IGFBP7: variants seen among roughly 807,000 people sequenced by gnomAD.
IGFBP7 encodes the protein insulin-like growth factor-binding protein 7.
A neutral mutation model predicts 29.4 loss-of-function variants in IGFBP7; 31 were observed. The observed-to-expected ratio is 1.05, with a 90% confidence interval of 0.79 to 1.42. The LOEUF (loss-of-function observed/expected upper bound fraction) is 1.42, where lower values mean the gene tolerates loss of function less well. IGFBP7 is among the 40% of genes most tolerant of loss of function. IGFBP7 has a pLI of 0.00. For missense variants in IGFBP7, 393 were observed against 395.5 expected (o/e 0.99, Z 0.05); for synonymous variants, 172 against 174.9 (o/e 0.98, Z 0.13).
chr4:57,055,948 G>A (rs11573089), intron 1 of IGFBP7, among the ~76,000 whole-genome samples: 1 of 152,100 alleles, frequency 6.6e-6, no homozygotes, highest in African/African-American at 2.4e-5. Flanking sequence ...GGAGCAGAGC[G>A]CAGGGCGTGA....
At chr4:57,061,857 T>G (rs746005373) in intron 1 of IGFBP7, among the ~76,000 whole-genome samples, 1 of 152,110 alleles carries the variant, frequency 6.6e-6, no homozygotes, top group South Asian at 2.1e-4. Context: ...TGAGATAGGG[T>G]CTTGCTACGT....
At chr4:57,084,239 T>C (rs139216517) in intron 1 of IGFBP7, among the ~76,000 whole-genome samples, 1 of 152,224 alleles carries the variant, frequency 6.6e-6, no homozygotes, top group African/African-American at 2.4e-5. Flanking sequence ...AAAATTTAAG[T>C]ATGTGGCTTA....
intron 2 of IGFBP7, among the ~76,000 whole-genome samples, chr4:57,040,273 G>T (rs1578608386): frequency 6.6e-6 from 1 of 152,028 alleles, no homozygotes; most frequent in East Asian, 1.9e-4. Flanking sequence ...AGGCTACAGG[G>T]CTTTGTGTCC....
intron 1 of IGFBP7, among the ~76,000 whole-genome samples, chr4:57,053,485 C>T (rs1724565698): frequency 6.6e-6 from 1 of 152,182 alleles, no homozygotes; most frequent in African/African-American, 2.4e-5. Context: ...TGCCATGAAG[C>T]AAATCCATGA....
chr4:57,079,927 C>T (rs1355192854), intron 1 of IGFBP7, among the ~76,000 whole-genome samples: 1 of 152,158 alleles, frequency 6.6e-6, no homozygotes, highest in East Asian at 1.9e-4. Flanking sequence ...AGTGGCTATG[C>T]TTATTACCCC....
rs760964343 is a variant in IGFBP7, at chr4:57,033,225, TG to T, written c.671del (p.Pro224GlnfsTer6). On this transcript the variant is annotated frameshift_variant, in exon 3 of 5. Transcript: ENST00000295666. LOFTEE classifies it high-confidence loss of function. ...CCCAGCCAGTTACTTCATGCTTTTC[TG>T]GGCCACCCCGGGTCTGAATGGCCAG... ...DNLAIQTRGG[P>X]EKHEVTGWVL... is the part of the protein sequence containing the mutation. 1 of 1,614,018 alleles carries T rather than the reference TG, an allele frequency of 6.2e-7. No homozygotes were observed. The highest frequency in any genetic ancestry group is 8.5e-7 in the Non-Finnish European group (1 of 1,179,854).
chr4:57,033,349 C>A, intron 2 of IGFBP7, 38 bp from the exon 3 acceptor site: 3 of 1,328,850 alleles, frequency 2.3e-6, no homozygotes, highest in Non-Finnish European at 3.3e-6. Flanking sequence ...GAGTTTTGTA[C>A]ACCAGATCAT....
intron 1 of IGFBP7, chr4:57,065,476 G>A (rs6827930): frequency 6.6e-6 from 1 of 152,166 alleles, no homozygotes; most frequent in Non-Finnish European, 1.5e-5. Flanking sequence ...GACAAGAAGA[G>A]AAAGTGACTC....
intron 1 of IGFBP7, among the ~76,000 whole-genome samples, chr4:57,093,921 T>A (rs1342460306): frequency 6.6e-6 from 1 of 152,306 alleles, no homozygotes; most frequent in East Asian, 1.9e-4. Flanking sequence ...CAGATGTAAA[T>A]GTACCTTTGT....
intron 1 of IGFBP7, among the ~76,000 whole-genome samples, chr4:57,049,447 G>A (rs1724446758): frequency 6.6e-6 from 1 of 152,062 alleles, no homozygotes; most frequent in South Asian, 2.1e-4. Context: ...CAGCAGTCCT[G>A]CTCACCCACC....
intron 1 of IGFBP7, among the ~76,000 whole-genome samples, chr4:57,101,905 T>C (rs1317282710): frequency 6.6e-6 from 1 of 152,228 alleles, no homozygotes; most frequent in Non-Finnish European, 1.5e-5. Context: ...AGTGGGCTTA[T>C]TAATTCACAT....
In IGFBP7 at chr4:57,109,887, G is replaced by A; in HGVS notation, c.465C>T (p.Thr155=). ...AGCGCTCGTGCCCACCTTGCTCGCA[G>A]GTGCCCTTGCTGACCTGGGTGATGG... The part of the protein sequence containing the change: ...EKAITQVSKG[T]CEQGPSIVTP... The change falls in exon 1 of 5, where the codon ACC becomes ACT. Residue 155 remains threonine (T), a synonymous_variant. Coordinates refer to ENST00000295666, the MANE Select transcript of IGFBP7 (RefSeq NM_001553.3). The A allele has an allele frequency of 6.5e-7, 1 of 1,547,602 alleles. No homozygotes were observed. Among genetic ancestry groups the A allele is most frequent in the Non-Finnish European group, 8.7e-7 (1 of 1,152,688 alleles).
chr4:57,081,735 G>C (rs569833685), intron 1 of IGFBP7, among the ~76,000 whole-genome samples: 1 of 152,070 alleles, frequency 6.6e-6, no homozygotes, highest in African/African-American at 2.4e-5. Flanking sequence ...TTCTGAGTCC[G>C]CTGGGGCCTT....
At chr4:57,062,414 C>T (rs746615580) in intron 1 of IGFBP7, among the ~76,000 whole-genome samples, 23 of 152,264 alleles carry the variant, frequency 1.5e-4, no homozygotes, top group Admixed American at 2.0e-4. Flanking sequence ...AATCATAAAC[C>T]GGTGTCATGG....
At chr4:57,059,458 A>G (rs1724745568) in intron 1 of IGFBP7, among the ~76,000 whole-genome samples, 1 of 152,192 alleles carries the variant, frequency 6.6e-6, no homozygotes, top group Non-Finnish European at 1.5e-5. Context: ...ACACGGAGGG[A>G]GTTGGAGGCC....
chr4:57,106,219 A>T (rs1232388945), intron 1 of IGFBP7, among the ~76,000 whole-genome samples: 1 of 152,144 alleles, frequency 6.6e-6, no homozygotes, highest in Non-Finnish European at 1.5e-5. Flanking sequence ...CATTTTTAAA[A>T]TTTTTATTAT....
intron 1 of IGFBP7, among the ~76,000 whole-genome samples, chr4:57,095,119 A>G (rs1019493278): frequency 3.9e-5 from 6 of 152,246 alleles, no homozygotes; most frequent in Non-Finnish European, 5.9e-5. Flanking sequence ...AGGCTGTGAT[A>G]TGCCTTATGG....
intron 1 of IGFBP7, among the ~76,000 whole-genome samples, chr4:57,107,049 TC>T (rs1338976323): frequency 6.6e-6 from 1 of 152,188 alleles, no homozygotes; most frequent in African/African-American, 2.4e-5. Flanking sequence ...CAAGATCTCT[TC>T]CCAGTTGGGT....
intron 1 of IGFBP7, among the ~76,000 whole-genome samples, chr4:57,064,072 C>A (rs1184806671): frequency 6.6e-6 from 1 of 152,220 alleles, no homozygotes; most frequent in East Asian, 1.9e-4. Flanking sequence ...GGCATGATGG[C>A]TATCACCTGT....
Sources: allele counts gnomAD v4.1 joint callset (sites outside exome capture counted in the v4.1 genomes callset), GRCh38; gene constraint gnomAD v4.1.1; transcripts MANE v1.5; gene names NCBI Gene and HGNC (gene_info 2026-07-23, HGNC 2026-07-21).